Variants in PTCH1 observed in about 807,000 individuals in gnomAD.
PTCH1 encodes the protein protein patched homolog 1.
PTCH1 carries 14 observed loss-of-function variants against 144.6 expected under a neutral mutation model. The ratio of observed to expected loss-of-function variants is 0.10; its 90% CI spans 0.06 to 0.15. The LOEUF (loss-of-function observed/expected upper bound fraction) is 0.15, where lower values mean the gene tolerates loss of function less well. Among genes scored for constraint, PTCH1 ranks in the 10% least tolerant of loss-of-function variants. PTCH1 has a pLI of 1.00. For synonymous variants in PTCH1, 833 were observed against 793.6 expected (o/e 1.05, Z -0.83); for missense variants, 1,623 against 1,948.3 (o/e 0.83, Z 3.14).
At chr9:95,482,270 T>C (rs1841605363) in intron 3 of PTCH1, 67 bp from the exon 4 acceptor site, 1 of 1,424,084 alleles carries the variant, frequency 7.0e-7, no homozygotes, top group Non-Finnish European at 9.8e-7. Flanking sequence ...AAATTCGAAA[T>C]GATAGAACAT....
At chr9:95,472,536 T>C (rs1423572835) in intron 12 of PTCH1, among the ~76,000 whole-genome samples, 1 of 152,160 alleles carries the variant, frequency 6.6e-6, no homozygotes, top group South Asian at 2.1e-4. Flanking sequence ...CAGTCATGTT[T>C]AGAATGGAGG....
rs1837669639 is a variant in PTCH1 at position 95,443,983 on chromosome 9, A to C, written c.*2410T>G. On this transcript the variant is annotated 3_prime_UTR_variant, in exon 24 of 24. Coordinates refer to ENST00000331920, the MANE Select transcript of PTCH1 (RefSeq NM_000264.5). ...AAATAAAAATTCTGTCCAAAAGTAA[A>C]ACATAGCTGTAATGTTTCCAATAGA... 6.5e-6 allele frequency: 1 copy of C among 152,674 alleles called. No homozygotes were observed. Among genetic ancestry groups the C allele is most frequent in the Non-Finnish European group, 1.5e-5 (1 of 68,048 alleles). 9.5% of individuals were successfully genotyped at this position (152,674 alleles called of 1,614,324 possible). A position where few individuals can be genotyped will look rare whatever the true frequency, so the allele number is the denominator to read the frequency against.
At position 95,445,879 on chromosome 9, in the gene PTCH1, C is replaced by G. The variant is rs763130382; in HGVS notation, c.*514G>C. On this transcript the variant is annotated 3_prime_UTR_variant, in exon 24 of 24. Transcript: ENST00000331920. ...TGCTCATTAAACAAAAAAATTATCA[C>G]GCATAGCGTGTTTGAAAGTTAACAG... 1 of 158,744 alleles carries G rather than the reference C, an allele frequency of 6.3e-6. No homozygotes were observed. Among genetic ancestry groups the G allele is most frequent in the Non-Finnish European group, 1.4e-5 (1 of 71,616 alleles). The allele number at this position is 158,744 out of a possible 1,614,324, so 9.8% of individuals were successfully genotyped here.
intron 1 of PTCH1, chr9:95,507,832 C>A (rs1843827907): frequency 1.2e-5 from 11 of 907,040 alleles, no homozygotes; most frequent in Non-Finnish European, 1.3e-5. Flanking sequence ...AGTGCCGCGG[C>A]CGCCCTTGAG....
intron 12 of PTCH1, among the ~76,000 whole-genome samples, chr9:95,472,672 C>T (rs771417747): frequency 2.0e-5 from 3 of 152,134 alleles, no homozygotes; most frequent in East Asian, 1.9e-4. Context: ...CCGGCCTCAT[C>T]GGTCAGAGAA....
rs1422361594 is a variant in PTCH1 at position 95,477,832 on chromosome 9, T to C, written c.1348-130A>G. The C allele has an allele frequency of 8.2e-6, 12 of 1,466,388 alleles. No homozygotes were observed. The East Asian group carries it at 3.0e-4, about 36-fold the overall frequency. The allele number at this position is 1,466,388 out of a possible 1,614,324, so 90.8% of individuals were successfully genotyped here. On this transcript the variant is annotated intron_variant, in intron 9 of 23. Transcript: ENST00000331920. Reference sequence around the variant, plus strand: ...TATCCAACAACAACAAAACTTTACATCAAGGGCGTCACATAAAATGACAGG... The same window carrying C: ...TATCCAACAACAACAAAACTTTACACCAAGGGCGTCACATAAAATGACAGG...
In PTCH1 at chr9:95,479,817, A is replaced by G. The variant is rs56286601; in HGVS notation, c.1067+152T>C. ...CTTTTTCAAGCTGTTGCAGTCTGCTACTATTTCTTAATATTCTATGACGCC... is the reference window on the plus strand; with the variant it reads ...CTTTTTCAAGCTGTTGCAGTCTGCTGCTATTTCTTAATATTCTATGACGCC... On this transcript the variant is annotated intron_variant, in intron 7 of 23. Transcript: ENST00000331920. The G allele has an allele frequency of 9.7e-5, 122 of 1,261,456 alleles. No homozygotes were observed. In the African/African-American group the frequency reaches 1.7e-3, roughly 18 times the overall value. The allele number at this position is 1,261,456 out of a possible 1,614,324, so 78.1% of individuals were successfully genotyped here.
In PTCH1 at chr9:95,508,530, G is replaced by T; in HGVS notation, c.-169C>A. ...TCCGGTTGACAGACCAGCCGCTGCT[G>T]CTGCTCACACGGCGGGCGCTGCTGC... is the stretch of plus-strand genomic sequence containing the variant. On this transcript the variant is annotated 5_prime_UTR_variant, in exon 1 of 24. Coordinates refer to ENST00000331920, the MANE Select transcript of PTCH1 (RefSeq NM_000264.5). The T allele has an allele frequency of 9.9e-7, 1 of 1,013,278 alleles. No homozygotes were observed. 62.8% of individuals were successfully genotyped at this position (1,013,278 alleles called of 1,614,324 possible).
At chr9:95,496,930 G>C (rs1800522651) in intron 2 of PTCH1, among the ~76,000 whole-genome samples, 1 of 152,116 alleles carries the variant, frequency 6.6e-6, no homozygotes, top group South Asian at 2.1e-4. Flanking sequence ...CAGGGAGTGG[G>C]GGTGGGAATG....
rs1837683741 is a variant in PTCH1 at position 95,444,161 on chromosome 9, A to C, written c.*2232T>G. 6.6e-6 allele frequency: 1 copy of C among 152,296 alleles called. No homozygotes were observed. The highest frequency in any genetic ancestry group is 6.5e-5 in the Admixed American group (1 of 15,270). The allele number at this position is 152,296 out of a possible 1,614,324, so 9.4% of individuals were successfully genotyped here. On this transcript the variant is annotated 3_prime_UTR_variant, in exon 24 of 24. Transcript: ENST00000331920. ...ATGAACAAACAGGACAGACAAAATA[A>C]AACTATTAAAAGAGAGAGAGAAATT...
intron 12 of PTCH1, among the ~76,000 whole-genome samples, chr9:95,473,089 A>G (rs997079887): frequency 6.6e-6 from 1 of 152,250 alleles, no homozygotes; most frequent in Admixed American, 6.5e-5. Flanking sequence ...TCATTGAAGA[A>G]TAAACACTAC....
At chr9:95,453,893 C>T (rs1426442448) in intron 19 of PTCH1, among the ~76,000 whole-genome samples, 1 of 152,218 alleles carries the variant, frequency 6.6e-6, no homozygotes, top group Non-Finnish European at 1.5e-5. Flanking sequence ...CTTCTTTTCA[C>T]TGATACTCAC....
chr9:95,514,612 AAAAT>A (rs1480673651), intron 1 of PTCH1: 1 of 147,598 alleles, frequency 6.8e-6, no homozygotes, highest in Non-Finnish European at 1.5e-5. Context: ...GAGGCTGGAG[AAAAT>A]AAAAGGTGTG....
rs1023035231 is a variant in PTCH1, at chr9:95,458,761, A to T, written c.2888-468T>A. Among the ~76,000 whole-genome samples, 1 of 152,274 alleles carries T rather than the reference A, an allele frequency of 6.6e-6. No individual in the cohort carries two copies. The highest frequency in any genetic ancestry group is 1.5e-5 in the Non-Finnish European group (1 of 68,044). On this transcript the variant is annotated intron_variant, in intron 17 of 23. Coordinates refer to ENST00000331920, the MANE Select transcript of PTCH1 (RefSeq NM_000264.5). This position sits in a 1 kb window ranked among gnomAD's most constrained non-coding sequence, Gnocchi z 4.7. The stretch of plus-strand genomic sequence containing the variant: ...CTAATGCAATGCTAAGTCTTCAGCA[A>T]CAGGGGAAGAAATCCTTACACAACA...
chr9:95,504,188 C>T (rs1843377284), intron 2 of PTCH1, among the ~76,000 whole-genome samples: 1 of 152,082 alleles, frequency 6.6e-6, no homozygotes, highest in Non-Finnish European at 1.5e-5. Context: ...GGCCCAAGAC[C>T]AGTGAGTCAT....
rs200421502 is a variant in PTCH1, at chr9:95,481,940, C to T, written c.746+9G>A. ...TCACAGACATCAGAAAGCATGATCA[C>T]ACACTTACAGGAGGTATGCTGTCCC... On this transcript the variant is annotated intron_variant, in intron 5 of 23. Coordinates refer to ENST00000331920, the MANE Select transcript of PTCH1 (RefSeq NM_000264.5). 1.3e-6 allele frequency: 2 copies of T among 1,598,230 alleles called. No individual in the cohort carries two copies. The highest frequency in any genetic ancestry group is 1.3e-5 in the African/African-American group (1 of 74,646).
Position 95,485,698 on chromosome 9 carries a change from A to G in PTCH1, c.571T>C (p.Tyr191His), listed in dbSNP as rs1480028040. Reference protein sequence around the residue: ...SALQASRVHVYMYNRQWKLEH... With the variant: ...SALQASRVHVHMYNRQWKLEH... ...GGCGGGCCTTACCTGTTGTACATGT[A>G]TACATGGACACGGCTGGCCTGGAGT... Residue 191 changes from tyrosine to histidine, a missense_variant, in exon 3 of 24, where the codon TAC becomes CAC. By Grantham distance (83) the Tyr-to-His change is moderately conservative (BLOSUM62 2). This residue lies in a region of PTCH1 where 39 missense variants were observed against 75.6 expected (regional missense o/e 0.52). Transcript: ENST00000331920. 2 of 1,614,082 alleles carry G rather than the reference A, an allele frequency of 1.2e-6. No homozygotes were observed. Among genetic ancestry groups the G allele is most frequent in the South Asian group, 2.2e-5 (2 of 91,068 alleles).
At chr9:95,487,941 T>C (rs769815496) in intron 2 of PTCH1, among the ~76,000 whole-genome samples, 1 of 152,174 alleles carries the variant, frequency 6.6e-6, no homozygotes, top group Non-Finnish European at 1.5e-5. Flanking sequence ...ACAGACAGCC[T>C]GGCTTCAGCA....
chr9:95,474,372 C>T (rs542683597), intron 12 of PTCH1, among the ~76,000 whole-genome samples: 17 of 152,178 alleles, frequency 1.1e-4, no homozygotes, highest in Admixed American at 9.8e-4. Flanking sequence ...CACACACCTG[C>T]GCACAAAGGC....
Sources: gnomAD v4.1 joint callset for allele counts (sites outside exome capture counted in the v4.1 genomes callset) on GRCh38, gnomAD v4.1.1 for gene constraint, gnomAD v4.1.1 regional missense constraint, Gnocchi (gnomAD v3.1) non-coding constraint, MANE v1.5 for transcripts, NCBI Gene and HGNC (gene_info 2026-07-23, HGNC 2026-07-21) for gene names.